Variants in HEXB observed in about 807,000 individuals in gnomAD.
The protein encoded by HEXB is beta-hexosaminidase subunit beta.
HEXB carries 51 observed loss-of-function variants against 71.2 expected under a neutral mutation model. The observed-to-expected ratio is 0.72, with a 90% confidence interval of 0.57 to 0.90. The LOEUF is 0.90. Ranked by LOEUF, HEXB falls within the 40% of genes least tolerant of loss-of-function variation. The pLI, the probability that HEXB is intolerant of heterozygous loss-of-function variation, is 0.00. For missense variants in HEXB, 617 were observed against 677.0 expected (o/e 0.91, Z 0.98); for synonymous variants, 266 against 249.3 (o/e 1.07, Z -0.63).
chr5:74,660,896 C>A (rs1748305604), intron 1 of HEXB, among the ~76,000 whole-genome samples: 1 of 152,100 alleles, frequency 6.6e-6, no homozygotes, highest in African/African-American at 2.4e-5. Context: ...AAAGACAAGG[C>A]ATTGACTGGA....
At position 74,721,174 on chromosome 5, in the gene HEXB, A is replaced by G. The variant is rs576145664; in HGVS notation, c.1670A>G (p.Ter557=). 6.3e-5 allele frequency: 101 copies of G among 1,611,838 alleles called. 1 individual carries two copies. In the Middle Eastern group the frequency reaches 1.5e-3, roughly 24 times the overall value. Residue 557 remains the stop codon, a stop_retained_variant, in exon 14 of 14, where the codon TAA becomes TGA. Coordinates refer to ENST00000261416, the MANE Select transcript of HEXB (RefSeq NM_000521.4). ...YAGYCNHENM[*] is the part of the protein sequence containing the mutation. ...GGATATTGTAACCATGAGAACATGTAAAAAATGGAGGGGAAAAAGGCCACA... is the reference window on the plus strand; with the variant it reads ...GGATATTGTAACCATGAGAACATGTGAAAAATGGAGGGGAAAAAGGCCACA...
chr5:74,717,054 G>T (rs1190836717), intron 9 of HEXB, among the ~76,000 whole-genome samples: 4 of 152,264 alleles, frequency 2.6e-5, no homozygotes, highest in African/African-American at 9.6e-5. Context: ...GCCAGGCATG[G>T]TGGCAGGTGC....
intron 5 of HEXB, among the ~76,000 whole-genome samples, chr5:74,701,618 T>C (rs1208959536): frequency 6.6e-6 from 1 of 152,102 alleles, no homozygotes; most frequent in Non-Finnish European, 1.5e-5. Context: ...CAGTTTTTAT[T>C]TTTGTTTTTG....
intron 5 of HEXB, among the ~76,000 whole-genome samples, chr5:74,701,821 A>T (rs573555499): frequency 2.7e-4 from 41 of 152,186 alleles, no homozygotes; most frequent in Non-Finnish European, 4.3e-4. Context: ...GGCACATATG[A>T]TGCATCAATA....
intron 1 of HEXB, among the ~76,000 whole-genome samples, chr5:74,661,918 A>G (rs1748332888): frequency 6.6e-6 from 1 of 152,206 alleles, no homozygotes; most frequent in South Asian, 2.1e-4. Flanking sequence ...CCAAATACCA[A>G]GTGCTTCCTG....
In HEXB at chr5:74,720,764, G is replaced by T. The variant is rs370838336; in HGVS notation, c.1613+17G>T. On this transcript the variant is annotated intron_variant, in intron 13 of 13. Transcript: ENST00000261416. ...GATGGTCGAGTAAGAAATCTATTAAGTCCAGTGTGATTTTTAACCTTCTTA... is the reference window on the plus strand; with the variant it reads ...GATGGTCGAGTAAGAAATCTATTAATTCCAGTGTGATTTTTAACCTTCTTA... 3.5e-5 allele frequency: 55 copies of T among 1,583,274 alleles called. No individual in the cohort carries two copies. The highest frequency in any genetic ancestry group is 4.5e-5 in the Non-Finnish European group (52 of 1,152,220).
At chr5:74,661,495 A>T (rs2112088762) in intron 1 of HEXB, among the ~76,000 whole-genome samples, 1 of 147,884 alleles carries the variant, frequency 6.8e-6, no homozygotes. Flanking sequence ...AGAAGTCATG[A>T]ATTCATTTTC....
chr5:74,672,709 G>A (rs1156271916), intron 1 of HEXB, among the ~76,000 whole-genome samples: 1 of 152,180 alleles, frequency 6.6e-6, no homozygotes, highest in Non-Finnish European at 1.5e-5. Flanking sequence ...CCTGAGAGAT[G>A]TCCTGTCACA....
chr5:74,711,623 G>C (rs894043585), intron 6 of HEXB, among the ~76,000 whole-genome samples: 1 of 152,062 alleles, frequency 6.6e-6, no homozygotes, highest in Non-Finnish European at 1.5e-5. Context: ...AGTGGGTGAA[G>C]GACATGAACA....
chr5:74,648,989 C>T (rs62368182), intron 1 of HEXB, among the ~76,000 whole-genome samples: 6,510 of 152,166 alleles, frequency 0.043, 215 homozygotes, highest in Non-Finnish European at 0.068. Context: ...CCTCTTCTGG[C>T]TACAATGAAA....
In HEXB at chr5:74,689,394, C is replaced by G; in HGVS notation, c.366C>G (p.Thr122=). ...AACCTGCTGAATTCCAGGCTAAAAC[C>G]CAGGTTCAGCAACTTCTTGTCTCAA... is the stretch of plus-strand genomic sequence containing the variant. ...HHEPAEFQAK[T]QVQQLLVSIT... is the part of the protein sequence containing the mutation. The change falls in exon 2 of 14, where the codon ACC becomes ACG. Residue 122 remains threonine (T), a synonymous_variant. Coordinates refer to ENST00000261416, the MANE Select transcript of HEXB (RefSeq NM_000521.4). 2 of 1,612,006 alleles carry G rather than the reference C, an allele frequency of 1.2e-6. No homozygotes were observed. The highest frequency in any genetic ancestry group is 2.2e-5 in the East Asian group (1 of 44,872).
rs752949809 is a variant in HEXB, at chr5:74,689,489, A to G, written c.445+16A>G. 9.9e-6 allele frequency: 16 copies of G among 1,608,934 alleles called. No homozygotes were observed. The highest frequency in any genetic ancestry group is 1.4e-5 in the Non-Finnish European group (16 of 1,175,364). On this transcript the variant is annotated intron_variant, in intron 2 of 13. Transcript: ENST00000261416. ...GATGAGTCTTGTAAGTACCTATGCA[A>G]TGTGAGTGTATTATATCCCAGGTGC...
Position 74,645,326 on chromosome 5 carries a change from T to G in HEXB, c.-377+4768T>G, listed in dbSNP as rs377730812. ...AAGCCATCCTCCTGCCTCTTCCTCC[T>G]GAGTAGCTGGGACTGCAAGCGGGTG... On this transcript the variant is annotated intron_variant, in intron 1 of 13. Transcript: ENST00000511181. 1.0e-3 allele frequency among the ~76,000 whole-genome samples: 154 copies of G among 152,304 alleles called. 3 individuals carry two copies. The South Asian group carries it at 0.031, about 30-fold the overall frequency.
At chr5:74,718,186 AG>A in intron 9 of HEXB, 104 bp from the exon 10 acceptor site, 1 of 817,378 alleles carries the variant, frequency 1.2e-6, no homozygotes, top group South Asian at 1.4e-5. Context: ...CTATACTAAA[AG>A]GCACCTCTCA....
At chr5:74,711,390 C>G (rs1301765810) in intron 6 of HEXB, among the ~76,000 whole-genome samples, 1 of 150,824 alleles carries the variant, frequency 6.6e-6, no homozygotes, top group African/African-American at 2.4e-5. Context: ...GACTTCATGT[C>G]TAAAACACCA....
chr5:74,661,628 C>T (rs1003291582), intron 1 of HEXB, among the ~76,000 whole-genome samples: 1 of 151,386 alleles, frequency 6.6e-6, no homozygotes, highest in African/African-American at 2.4e-5. Context: ...AACTCCTGGC[C>T]TCAAGGGATC....
chr5:74,686,866 C>T (rs1580378181), intron 1 of HEXB, among the ~76,000 whole-genome samples: 1 of 152,158 alleles, frequency 6.6e-6, no homozygotes, highest in East Asian at 1.9e-4. Flanking sequence ...AAAACAAACA[C>T]GCTTATTATG....
At chr5:74,700,850 G>A (rs1749243937) in intron 5 of HEXB, among the ~76,000 whole-genome samples, 1 of 152,034 alleles carries the variant, frequency 6.6e-6, no homozygotes, top group Admixed American at 6.6e-5. Flanking sequence ...TGGGATTACA[G>A]GTGCCCGCCA....
Position 74,685,278 on chromosome 5 carries a change from G to C in HEXB, c.18G>C (p.Leu6=). The C allele has an allele frequency of 6.5e-7, 1 of 1,542,966 alleles. No individual in the cohort carries two copies. The highest frequency in any genetic ancestry group is 8.7e-7 in the Non-Finnish European group (1 of 1,149,856). The change falls in exon 1 of 14, where the codon CTG becomes CTC. Residue 6 remains leucine, a synonymous_variant. Transcript: ENST00000261416. MELCG[L]GLPRPPMLLA... ...GAGCGGCCATGGAGCTGTGCGGGCTGGGGCTGCCCCGGCCGCCCATGCTGC... is the reference window on the plus strand; with the variant it reads ...GAGCGGCCATGGAGCTGTGCGGGCTCGGGCTGCCCCGGCCGCCCATGCTGC...
Sources: allele counts gnomAD v4.1 joint callset (sites outside exome capture counted in the v4.1 genomes callset), GRCh38; gene constraint gnomAD v4.1.1; transcripts MANE v1.5; gene names NCBI Gene and HGNC (gene_info 2026-07-23, HGNC 2026-07-21).